Variants in LRBA observed in about 807,000 individuals in gnomAD.
LRBA encodes lipopolysaccharide-responsive and beige-like anchor protein.
Under a neutral mutation model 330.0 loss-of-function variants are expected in LRBA, and 176 were observed. The observed-to-expected ratio is 0.53, with a 90% CI of 0.47 to 0.60. The LOEUF is 0.60. Ranked by LOEUF, LRBA falls within the 20% of genes least tolerant of loss-of-function variation. The pLI, the probability that LRBA is intolerant of heterozygous loss-of-function variation, is 0.00. For missense variants in LRBA, 3,259 were observed against 3,444.8 expected (o/e 0.95, Z 1.35); for synonymous variants, 1,230 against 1,193.0 (o/e 1.03, Z -0.64).
At chr4:150,431,604 T>C (rs1211460986) in intron 46 of LRBA, among the ~76,000 whole-genome samples, 2 of 152,202 alleles carry the variant, frequency 1.3e-5, no homozygotes, top group Non-Finnish European at 2.9e-5. Flanking sequence ...TGATTACATA[T>C]TGAAATAATA....
At chr4:150,534,747 AAT>A (rs1764460162) in intron 40 of LRBA, among the ~76,000 whole-genome samples, 1 of 152,220 alleles carries the variant, frequency 6.6e-6, no homozygotes, top group African/African-American at 2.4e-5. Context: ...GAAAGGAATC[AAT>A]CAATAAGCCT....
chr4:150,372,562 A>G (rs1398702610), intron 47 of LRBA, among the ~76,000 whole-genome samples: 1 of 19,834 alleles, frequency 5.0e-5, no homozygotes, highest in East Asian at 6.6e-4. Flanking sequence ...CCCATCTCCA[A>G]AAAAAAAAAA....
chr4:150,840,285 A>G (rs964148692), intron 28 of LRBA, among the ~76,000 whole-genome samples: 1 of 152,186 alleles, frequency 6.6e-6, no homozygotes, highest in Admixed American at 6.5e-5. Context: ...TTGCCTTCAC[A>G]ACTTGGCTAA....
intron 26 of LRBA, among the ~76,000 whole-genome samples, chr4:150,846,508 G>C (rs553882752): frequency 6.7e-6 from 1 of 148,442 alleles, no homozygotes; most frequent in South Asian, 2.1e-4. Flanking sequence ...CCAGCCTGGC[G>C]ACAGAGTAAG....
chr4:150,623,888 G>C (rs953578004), intron 37 of LRBA, among the ~76,000 whole-genome samples: 1 of 151,312 alleles, frequency 6.6e-6, no homozygotes, highest in South Asian at 2.1e-4. Context: ...TAAGTTTTAG[G>C]GTACATGTGC....
intron 34 of LRBA, among the ~76,000 whole-genome samples, chr4:150,785,361 T>C (rs574488092): frequency 5.8e-4 from 88 of 152,202 alleles, no homozygotes; most frequent in Non-Finnish European, 8.7e-4. Flanking sequence ...TTTGGAGAAG[T>C]TGCAATCTTA....
At chr4:150,340,044 C>T (rs1735303119) in intron 48 of LRBA, among the ~76,000 whole-genome samples, 1 of 152,020 alleles carries the variant, frequency 6.6e-6, no homozygotes, top group African/African-American at 2.4e-5. Flanking sequence ...AACGGGCATC[C>T]TCCTTCGCTC....
intron 37 of LRBA, among the ~76,000 whole-genome samples, chr4:150,668,712 GAAAGATTATTTCAA>G (rs1246002678): frequency 6.6e-6 from 1 of 152,140 alleles, no homozygotes; most frequent in Non-Finnish European, 1.5e-5. Context: ...AGTTAGAAGG[GAAAGATTATTTCAA>G]AAACAATTAA....
At chr4:150,598,302 G>A (rs1462995139) in intron 38 of LRBA, among the ~76,000 whole-genome samples, 1 of 151,898 alleles carries the variant, frequency 6.6e-6, no homozygotes, top group Non-Finnish European at 1.5e-5. Context: ...TAAAATAAGT[G>A]AAATTTTATA....
intron 37 of LRBA, among the ~76,000 whole-genome samples, chr4:150,674,049 T>C (rs904769882): frequency 6.6e-6 from 1 of 152,116 alleles, no homozygotes; most frequent in Non-Finnish European, 1.5e-5. Flanking sequence ...GTGAGATGCC[T>C]TGAGCAGCAG....
intron 48 of LRBA, among the ~76,000 whole-genome samples, chr4:150,345,952 T>C (rs1736235320): frequency 6.6e-6 from 1 of 151,922 alleles, no homozygotes; most frequent in South Asian, 2.1e-4. Context: ...GAATTATAGG[T>C]GTACACCACC....
At chr4:150,867,939 A>C in intron 21 of LRBA, 76 bp from the exon 22 acceptor site, 2 of 1,238,356 alleles carry the variant, frequency 1.6e-6, no homozygotes, top group Non-Finnish European at 2.3e-6. Flanking sequence ...TTTAAAACAA[A>C]ATAACCCTGC....
At chr4:150,637,997 T>C (rs1304028280) in intron 37 of LRBA, among the ~76,000 whole-genome samples, 1 of 152,134 alleles carries the variant, frequency 6.6e-6, no homozygotes, top group Admixed American at 6.6e-5. Context: ...TTCTGAAACT[T>C]ACATAGGGGA....
In LRBA at chr4:150,846,455, G is replaced by A. The variant is rs370476205; in HGVS notation, c.4340-1676C>T. ...TGAGATAGGGCAATTGCTTGAACCC[G>A]GAAGAAAGAGGTTGCAGTGAGCCCA... On this transcript the variant is annotated intron_variant, in intron 26 of 56. Transcript: ENST00000651943. 9.9e-5 allele frequency among the ~76,000 whole-genome samples: 15 copies of A among 151,766 alleles called. 1 individual carries two copies. The highest frequency in any genetic ancestry group is 2.6e-4 in the Admixed American group (4 of 15,238).
intron 40 of LRBA, among the ~76,000 whole-genome samples, chr4:150,550,880 T>A (rs1189091132): frequency 6.6e-6 from 1 of 152,232 alleles, no homozygotes; most frequent in Non-Finnish European, 1.5e-5. Context: ...AAATTTTGTA[T>A]AACATTGGAT....
chr4:150,730,570 C>G (rs981179950), intron 36 of LRBA, among the ~76,000 whole-genome samples: 1 of 151,276 alleles, frequency 6.6e-6, no homozygotes, highest in Non-Finnish European at 1.5e-5. Context: ...TTAATCCCAG[C>G]TACTTGGGTG....
At chr4:150,819,536 T>G (rs1175140016) in intron 30 of LRBA, among the ~76,000 whole-genome samples, 2 of 152,064 alleles carry the variant, frequency 1.3e-5, no homozygotes. Context: ...TAAGATTGAT[T>G]GATGGATACA....
intron 36 of LRBA, among the ~76,000 whole-genome samples, chr4:150,728,304 A>C (rs2127113235): frequency 6.6e-6 from 1 of 152,216 alleles, no homozygotes; most frequent in African/African-American, 2.4e-5. Context: ...TCCTACTCTA[A>C]GTATTCCAAA....
In LRBA at chr4:150,394,522, T is replaced by G. The variant is rs75693508; in HGVS notation, c.7194+20916A>C. Reference sequence around the variant, plus strand: ...AGGGGGCACAGGAGGATAAAGCTAATAGGTAGAAAGTATAATAAATGGCAG... The same window carrying G: ...AGGGGGCACAGGAGGATAAAGCTAAGAGGTAGAAAGTATAATAAATGGCAG... On this transcript the variant is annotated intron_variant, in intron 47 of 56. Coordinates refer to ENST00000651943, the MANE Select transcript of LRBA (RefSeq NM_001364905.1). Among the ~76,000 whole-genome samples, 774 of 152,170 alleles carry G rather than the reference T, an allele frequency of 5.1e-3. 22 individuals are homozygous for G. The highest frequency in any genetic ancestry group is 0.035 in the Admixed American group (541 of 15,262).
Sources: allele counts gnomAD v4.1 joint callset (sites outside exome capture counted in the v4.1 genomes callset), GRCh38; gene constraint gnomAD v4.1.1; transcripts MANE v1.5; gene names NCBI Gene and HGNC (gene_info 2026-07-23, HGNC 2026-07-21).